Variants in VPS53 observed in about 807,000 individuals in gnomAD.
The protein encoded by VPS53 is vacuolar protein sorting-associated protein 53 homolog.
In VPS53, 70 loss-of-function variants were observed where a neutral mutation model predicts 107.0. The observed-to-expected ratio is 0.65, with a 90% CI of 0.54 to 0.80. The LOEUF (loss-of-function observed/expected upper bound fraction) is 0.80, where lower values mean the gene tolerates loss of function less well. Among genes scored for constraint, VPS53 ranks in the 30% least tolerant of loss-of-function variants. The pLI is 0.00. For missense variants in VPS53, 917 were observed against 1,049.4 expected, an observed-to-expected ratio of 0.87 and a Z score of 1.74; for synonymous variants, 409 against 393.3, an observed-to-expected ratio of 1.04 and a Z score of -0.47.
Position 697,451 on chromosome 17 carries a change from T to C in VPS53, c.252A>G (p.Arg84=). The stretch of plus-strand genomic sequence containing the variant: ...CATCCTGCCCCACGTTCGTCTGACC[T>C]CTTACAACAGTTCGAATATTGTCAT... The part of the protein sequence containing the change: ...RLDDNIRTVV[R]GQTNVGQDGR... Residue 84 remains arginine, a synonymous_variant, in exon 4 of 22, where the codon AGA becomes AGG. Coordinates refer to ENST00000437048, the MANE Select transcript of VPS53 (RefSeq NM_001128159.3). 4 of 1,614,126 alleles carry C rather than the reference T, an allele frequency of 2.5e-6. No homozygotes were observed. The highest frequency in any genetic ancestry group is 3.4e-6 in the Non-Finnish European group (4 of 1,179,944).
chr17:537,492 A>G (rs979089502), intron 17 of VPS53: 2 of 233,076 alleles, frequency 8.6e-6, no homozygotes, highest in African/African-American at 4.5e-5. Context: ...TCTCCTGCCG[A>G]GTGCCCCACA....
At chr17:649,942 G>A (rs1053563465) in intron 7 of VPS53, among the ~76,000 whole-genome samples, 1 of 152,240 alleles carries the variant, frequency 6.6e-6, no homozygotes, top group Admixed American at 6.5e-5. Context: ...ATAGCACAAT[G>A]GATGCAAGTG....
At chr17:577,285 C>T (rs1260849713) in intron 13 of VPS53, among the ~76,000 whole-genome samples, 1 of 151,562 alleles carries the variant, frequency 6.6e-6, no homozygotes, top group Non-Finnish European at 1.5e-5. Flanking sequence ...GAGAACCTCC[C>T]TCAGAACCAC....
At chr17:710,667 T>G in intron 1 of VPS53, 54 bp from the exon 2 acceptor site, 1 of 1,350,608 alleles carries the variant, frequency 7.4e-7, no homozygotes, top group Non-Finnish European at 1.0e-6. Flanking sequence ...CGTAAATATA[T>G]ATAATTTTAA....
chr17:625,513 C>T (rs1969664984), intron 10 of VPS53, among the ~76,000 whole-genome samples: 2 of 149,382 alleles, frequency 1.3e-5, no homozygotes, highest in African/African-American at 4.9e-5. Flanking sequence ...TGTATGTGAA[C>T]ACCAAGCGTG....
At chr17:708,898 T>C (rs1190874024) in intron 2 of VPS53, among the ~76,000 whole-genome samples, 1 of 152,202 alleles carries the variant, frequency 6.6e-6, no homozygotes, top group Non-Finnish European at 1.5e-5. Context: ...TATTTAACTA[T>C]TTTCTTTATT....
intron 6 of VPS53, 112 bp downstream of exon 6, chr17:655,726 G>A: frequency 1.0e-6 from 1 of 981,070 alleles, no homozygotes; most frequent in Non-Finnish European, 1.5e-6. Flanking sequence ...TTTGCAGAAA[G>A]TGGGGCAGGA....
At chr17:570,841 T>C (rs1913971348) in intron 13 of VPS53, among the ~76,000 whole-genome samples, 1 of 152,158 alleles carries the variant, frequency 6.6e-6, no homozygotes, top group Non-Finnish European at 1.5e-5. Flanking sequence ...TCCCTGATGT[T>C]GATAGCTGTA....
rs117063382 is a variant in VPS53 at position 618,672 on chromosome 17, G to T, written c.1116+4861C>A. Among the ~76,000 whole-genome samples the T allele has an allele frequency of 2.0e-3, 299 of 150,358 alleles. 8 individuals carry two copies. The East Asian group carries it at 0.055, about 27-fold the overall frequency. On this transcript the variant is annotated intron_variant, in intron 11 of 21. Coordinates refer to ENST00000437048, the MANE Select transcript of VPS53 (RefSeq NM_001128159.3). ...CCCACGACACCTGCTAATATTTCTT[G>T]GGTAGCTGGGACTACAGGCATGCAC...
rs181491190 is a variant in VPS53, at chr17:667,806, C to T, written c.286-5911G>A. On this transcript the variant is annotated intron_variant, in intron 4 of 21. Coordinates refer to ENST00000437048, the MANE Select transcript of VPS53 (RefSeq NM_001128159.3). ...ACTGGGCCGCACAGCAGGAGGTGAG[C>T]GGTGGGCAAGTGAGTGAGCATGATC... Among the ~76,000 whole-genome samples, 78 of 152,176 alleles carry T rather than the reference C, an allele frequency of 5.1e-4. No individual in the cohort carries two copies. In the East Asian group the frequency reaches 7.7e-3, roughly 15 times the overall value.
rs1433123241 is a variant in VPS53 at position 661,878 on chromosome 17, C to A, written c.303G>T (p.Gln101His). 1.9e-6 allele frequency: 3 copies of A among 1,552,160 alleles called. No homozygotes were observed. The highest frequency in any genetic ancestry group is 2.6e-6 in the Non-Finnish European group (3 of 1,147,116). ...TGCCAAAGAGTTGTTGGATAGCTTT[C>A]TGAGCCTCTTCAAGCGCCTAGAGTA... ...QDGRQALEEA[Q>H]KAIQQLFGKI... Residue 101 changes from glutamine (Q) to histidine (H), a missense_variant, in exon 5 of 22, where the codon CAG becomes CAT. Transcript: ENST00000437048.
At chr17:541,445 G>C (rs1269129897) in intron 17 of VPS53, among the ~76,000 whole-genome samples, 3 of 146,106 alleles carry the variant, frequency 2.1e-5, no homozygotes, top group African/African-American at 7.7e-5. Flanking sequence ...CATGCACCAG[G>C]CACTGAAGGA....
chr17:671,248 A>AAGG lies in VPS53; in HGVS notation c.286-9354_286-9353insCCT, dbSNP rs1241964193. Among the ~76,000 whole-genome samples, 723 of 151,860 alleles carry AAGG rather than the reference A, an allele frequency of 4.8e-3. 7 individuals carry two copies. Among genetic ancestry groups the AAGG allele is most frequent in the African/African-American group, 0.017 (690 of 41,338 alleles). ...GGAGAAAGAAAAGAAAAGAAAGAAG[A>AAGG]AAGGAAAAGGAAAAGGGAAGGGAAG... is the stretch of plus-strand genomic sequence containing the variant. On this transcript the variant is annotated intron_variant, in intron 4 of 21. Coordinates refer to ENST00000437048, the MANE Select transcript of VPS53 (RefSeq NM_001128159.3).
At chr17:562,858 T>A (rs1219180453) in intron 13 of VPS53, 113 bp from the exon 14 acceptor site, 1 of 1,236,104 alleles carries the variant, frequency 8.1e-7, no homozygotes, top group Non-Finnish European at 1.1e-6. Context: ...TCCTACTGCA[T>A]TTAAAACTTA....
At chr17:656,934 A>G (rs1597446727) in intron 5 of VPS53, 1 of 1,221,222 alleles carries the variant, frequency 8.2e-7, no homozygotes, top group East Asian at 2.3e-5. Context: ...TGAGTGCCAA[A>G]GCTGTTGCCA....
At chr17:602,588 G>C (rs1968378418) in intron 11 of VPS53, among the ~76,000 whole-genome samples, 1 of 152,204 alleles carries the variant, frequency 6.6e-6, no homozygotes, top group Admixed American at 6.5e-5. Flanking sequence ...CCAGTGGGAA[G>C]GCTGCAGGCA....
Position 513,375 on chromosome 17 carries a change from G to A in VPS53, c.*5753C>T, listed in dbSNP as rs972652902. 3.3e-5 allele frequency: 5 copies of A among 152,118 alleles called. No homozygotes were observed. Among genetic ancestry groups the A allele is most frequent in the African/African-American group, 9.7e-5 (4 of 41,422 alleles). 9.4% of individuals were successfully genotyped at this position (152,118 alleles called of 1,614,324 possible). A position where few individuals can be genotyped will look rare whatever the true frequency, so the allele number is the denominator to read the frequency against. The stretch of plus-strand genomic sequence containing the variant: ...ATATCTCCCAAAGGTGTAGAACTTC[G>A]AGGGTCCAAGAGGCTATTCTGATGA... On this transcript the variant is annotated 3_prime_UTR_variant, in exon 22 of 22. Transcript: ENST00000437048.
At chr17:653,001 C>T (rs970186188) in intron 7 of VPS53, among the ~76,000 whole-genome samples, 1 of 152,230 alleles carries the variant, frequency 6.6e-6, no homozygotes, top group Non-Finnish European at 1.5e-5. Flanking sequence ...GCACCAGGTC[C>T]TTTTCTGAAA....
At chr17:541,593 G>A (rs1415761741) in intron 17 of VPS53, among the ~76,000 whole-genome samples, 2 of 144,262 alleles carry the variant, frequency 1.4e-5, no homozygotes, top group African/African-American at 2.6e-5. Flanking sequence ...CGCACCAGGT[G>A]CTGAAGGAAC....
Sources: gnomAD v4.1 joint callset for allele counts (sites outside exome capture counted in the v4.1 genomes callset) on GRCh38, gnomAD v4.1.1 for gene constraint, MANE v1.5 for transcripts, NCBI Gene and HGNC (gene_info 2026-07-23, HGNC 2026-07-21) for gene names.